POLQ: variants seen among roughly 807,000 people sequenced by gnomAD.
The protein encoded by POLQ is epididymis secretory sperm binding protein.
POLQ carries 233 observed loss-of-function variants against 259.2 expected under a neutral mutation model. The observed-to-expected ratio is 0.90, with a 90% CI of 0.81 to 1.00. The LOEUF (loss-of-function observed/expected upper bound fraction) is 1.00. Ranked by LOEUF, POLQ falls within the 50% of genes least tolerant of loss-of-function variation. The probability of loss-of-function intolerance (pLI) is 0.00; values close to 1 mark genes in which losing one functional copy is unlikely to be tolerated. For synonymous variants in POLQ, 1,025 were observed against 1,048.8 expected (o/e 0.98, Z 0.44); for missense variants, 2,871 against 3,051.6 (o/e 0.94, Z 1.39).
At chr3:121,531,534 A>G (rs1436925265) in intron 6 of POLQ, among the ~76,000 whole-genome samples, 1 of 152,222 alleles carries the variant, frequency 6.6e-6, no homozygotes, top group African/African-American at 2.4e-5. Context: ...CTAAGAAGAC[A>G]CTGGCTTTTA....
At chr3:121,447,332 G>A (rs140775250) in intron 26 of POLQ, among the ~76,000 whole-genome samples, 1,836 of 151,738 alleles carry the variant, frequency 0.012, 33 homozygotes, top group African/African-American at 0.042. Context: ...CATCATGCCC[G>A]GCTAATTTTT....
chr3:121,432,506 A>G (rs995996675), intron 29 of POLQ, 89 bp from the exon 30 acceptor site: 4 of 1,348,834 alleles, frequency 3.0e-6, no homozygotes. Flanking sequence ...ACCAGACTGG[A>G]GCTCTTCACC....
At chr3:121,495,048 G>A (rs930352081) in intron 14 of POLQ, 1 of 497,802 alleles carries the variant, frequency 2.0e-6, no homozygotes, top group Non-Finnish European at 3.5e-6. Flanking sequence ...AAGTCGAGCA[G>A]ATCATCTGAG....
chr3:121,510,228 C>T lies in POLQ; in HGVS notation c.1627G>A (p.Val543Met), dbSNP rs780644922. 8.1e-6 allele frequency: 13 copies of T among 1,610,310 alleles called. No homozygotes were observed. The African/African-American group carries it at 1.3e-4, about 17-fold the overall frequency. The change falls in exon 11 of 30, where the codon GTG becomes ATG. Residue 543 changes from valine to methionine, a missense_variant. Physicochemically the swap from Val to Met is conservative, Grantham distance 21. This residue lies in a region of POLQ where 783 missense variants were observed against 906.2 expected (regional missense o/e 0.86). Transcript: ENST00000264233. ...RAILEIIVGG[V>M]ASTSQDMHTY... is the part of the protein sequence containing the mutation. ...TGCATATCTTGTGATGTACTTGCCA[C>T]TCCACCAACTATTATCTGAAAGAAG...
At chr3:121,486,921 G>GAAAGA (rs1491051619) in intron 16 of POLQ, among the ~76,000 whole-genome samples, 1 of 136,652 alleles carries the variant, frequency 7.3e-6, no homozygotes, top group East Asian at 2.3e-4. Context: ...GAGAGAGAGA[G>GAAAGA]AAAGAAAAGA....
chr3:121,468,943 T>C (rs2047860936), intron 22 of POLQ, among the ~76,000 whole-genome samples: 1 of 152,168 alleles, frequency 6.6e-6, no homozygotes, highest in South Asian at 2.1e-4. Flanking sequence ...TGGTTAATAG[T>C]AAATTTTCCA....
chr3:121,483,514 G>T lies in POLQ; in HGVS notation c.5842C>A (p.Leu1948Ile). The part of the protein sequence containing the change: ...SLTLKDRMWY[L>I]QSCLRKESDK... ...GATTCCTTTCGCAAGCAAGATTGAA[G>T]GTACCACATCCTGTCTTTCAAAGTC... The change falls in exon 18 of 30, where the codon CTT becomes ATT. Residue 1948 changes from leucine (L) to isoleucine (I), a missense_variant. Around this residue, in one of 3 missense-constraint regions of POLQ, gnomAD observed 2,080 missense variants for 2,126.0 expected, o/e 0.98. Transcript: ENST00000264233. 3 of 1,606,512 alleles carry T rather than the reference G, an allele frequency of 1.9e-6. No individual in the cohort carries two copies. Among genetic ancestry groups the T allele is most frequent in the Non-Finnish European group, 2.5e-6 (3 of 1,177,476 alleles).
At position 121,481,626 on chromosome 3, in the gene POLQ, T is replaced by C. The variant is rs758186729; in HGVS notation, c.6157A>G (p.Ile2053Val). Reference protein sequence around the residue: ...RYRASVESILIFNSMNQLNSL... With the variant: ...RYRASVESILVFNSMNQLNSL... ...TTGAGCTGATTCATAGAGTTGAAGA[T>C]GAGAATGGACTCCACAGATGCTCTG... Residue 2053 changes from isoleucine to valine, a missense_variant, in exon 19 of 30, where the codon ATC becomes GTC. Coordinates refer to ENST00000264233, the MANE Select transcript of POLQ (RefSeq NM_199420.4). 97 of 1,613,666 alleles carry C rather than the reference T, an allele frequency of 6.0e-5. No homozygotes were observed. The highest frequency in any genetic ancestry group is 8.1e-5 in the Non-Finnish European group (96 of 1,179,802).
In POLQ at chr3:121,491,876, G is replaced by A. The variant is rs572929145; in HGVS notation, c.2523-1468C>T. 3.3e-5 allele frequency among the ~76,000 whole-genome samples: 5 copies of A among 152,150 alleles called. No individual in the cohort carries two copies. In the South Asian group the frequency reaches 1.0e-3, roughly 32 times the overall value. Reference sequence around the variant, plus strand: ...ACAGCAGGAGGTGAGCTACAGGCAAGGGAGCATTGCTGCCTGAGCTCCGCC... The same window carrying A: ...ACAGCAGGAGGTGAGCTACAGGCAAAGGAGCATTGCTGCCTGAGCTCCGCC... On this transcript the variant is annotated intron_variant, in intron 15 of 29. Coordinates refer to ENST00000264233, the MANE Select transcript of POLQ (RefSeq NM_199420.4).
Position 121,432,153 on chromosome 3 carries a change from T to C in POLQ, c.*151A>G, listed in dbSNP as rs558035695. The C allele has an allele frequency of 1.6e-5, 11 of 668,288 alleles. No individual in the cohort carries two copies. In the South Asian group the frequency reaches 2.7e-4, roughly 17 times the overall value. The allele number at this position is 668,288 out of a possible 1,614,324, so 41.4% of individuals were successfully genotyped here. On this transcript the variant is annotated 3_prime_UTR_variant, in exon 30 of 30. Coordinates refer to ENST00000264233, the MANE Select transcript of POLQ (RefSeq NM_199420.4). ...TTTTGATGCTATAGACACTGATATA[T>C]AGTTTGAAACTCTCACTATAAAATT...
rs2108783230 is a variant in POLQ at position 121,458,528 on chromosome 3, T to C, written c.7152+1522A>G. ...CTTTCTGTGCTTCAGTTTCCTCCTC[T>C]ATAAAATGGTGATAGTAATAATAAT... On this transcript the variant is annotated intron_variant, in intron 25 of 29. Transcript: ENST00000264233. Among the ~76,000 whole-genome samples the C allele has an allele frequency of 1.3e-5, 2 of 152,328 alleles. 1 individual carries two copies. Among genetic ancestry groups the C allele is most frequent in the South Asian group, 4.1e-4 (2 of 4,826 alleles).
At chr3:121,444,469 G>A (rs1278787405) in intron 26 of POLQ, among the ~76,000 whole-genome samples, 1 of 152,080 alleles carries the variant, frequency 6.6e-6, no homozygotes, top group East Asian at 1.9e-4. Context: ...TAAGGAATTT[G>A]TTTATCAGTT....
At chr3:121,509,355 G>A (rs2108807283) in intron 12 of POLQ, among the ~76,000 whole-genome samples, 1 of 152,128 alleles carries the variant, frequency 6.6e-6, no homozygotes. Context: ...AAAGGAGGTT[G>A]GAGAAAATAA....
intron 7 of POLQ, among the ~76,000 whole-genome samples, chr3:121,526,048 G>A (rs531196320): frequency 1.3e-5 from 2 of 152,192 alleles, no homozygotes; most frequent in South Asian, 4.2e-4. Context: ...TTTCCATAGA[G>A]TACAGTGCGT....
At chr3:121,463,275 C>T (rs2108785502) in intron 24 of POLQ, among the ~76,000 whole-genome samples, 1 of 152,296 alleles carries the variant, frequency 6.6e-6, no homozygotes, top group South Asian at 2.1e-4. Flanking sequence ...CCTGCATAAG[C>T]TCTTGCCAGC....
At chr3:121,534,862 T>C (rs1006826530) in intron 5 of POLQ, among the ~76,000 whole-genome samples, 2 of 152,230 alleles carry the variant, frequency 1.3e-5, no homozygotes, top group Admixed American at 1.3e-4. Flanking sequence ...CATGTAGACA[T>C]GTCCTAGTTA....
In POLQ at chr3:121,432,375, G is replaced by A; in HGVS notation, c.7702C>T (p.Leu2568=). ...ACTTTCACTTTCAATTTCACAGACA[G>A]TTTTACAGCACTTTCCATTTCATTC... is the stretch of plus-strand genomic sequence containing the variant. ...VKNEMESAVK[L]SVKLKVKVKI... Residue 2568 remains leucine, a synonymous_variant, in exon 30 of 30, where the codon CTG becomes TTG. Transcript: ENST00000264233. 1 of 1,609,586 alleles carries A rather than the reference G, an allele frequency of 6.2e-7. No individual in the cohort carries two copies. Among genetic ancestry groups the A allele is most frequent in the Non-Finnish European group, 8.5e-7 (1 of 1,177,812 alleles).
At chr3:121,443,298 T>G (rs138093923) in intron 26 of POLQ, among the ~76,000 whole-genome samples, 22 of 152,360 alleles carry the variant, frequency 1.4e-4, no homozygotes, top group African/African-American at 5.1e-4. Context: ...AAAAGCCATT[T>G]TAACTGGTGT....
At chr3:121,468,812 C>T (rs560631308) in intron 22 of POLQ, among the ~76,000 whole-genome samples, 3 of 152,154 alleles carry the variant, frequency 2.0e-5, no homozygotes, top group African/African-American at 7.2e-5. Flanking sequence ...CAACCACTGA[C>T]GCTTCTAAAA....
Sources: allele counts gnomAD v4.1 joint callset (sites outside exome capture counted in the v4.1 genomes callset), GRCh38; gene constraint gnomAD v4.1.1; regional missense constraint gnomAD v4.1.1; transcripts MANE v1.5; gene names NCBI Gene and HGNC (gene_info 2026-07-23, HGNC 2026-07-21).